GRM7: variants seen among roughly 807,000 people sequenced by gnomAD.
The protein encoded by GRM7 is glutamate metabotropic receptor 7, also known as metabotropic glutamate receptor 7.
Under a neutral mutation model 84.5 loss-of-function variants are expected in GRM7, and 35 were observed. The observed-to-expected ratio is 0.41, with a 90% confidence interval of 0.32 to 0.55. GRM7 has a LOEUF of 0.55. GRM7 is among the 20% of genes least tolerant of loss of function. The pLI is 0.19. For synonymous variants in GRM7, 487 were observed against 455.1 expected (o/e 1.07, Z -0.89); for missense variants, 1,003 against 1,194.6 (o/e 0.84, Z 2.36).
chr3:7,064,297 A>T (rs1232602248), intron 1 of GRM7, among the ~76,000 whole-genome samples: 4 of 150,340 alleles, frequency 2.7e-5, no homozygotes, highest in African/African-American at 7.3e-5. Flanking sequence ...TTGTGTATGC[A>T]TAGCTTAGCC....
At chr3:7,442,681 T>C (rs1697338703) in intron 5 of GRM7, among the ~76,000 whole-genome samples, 1 of 152,146 alleles carries the variant, frequency 6.6e-6, no homozygotes, top group South Asian at 2.1e-4. Context: ...CTAAAGTCCC[T>C]TGGGAGTTAG....
intron 2 of GRM7, among the ~76,000 whole-genome samples, chr3:7,220,254 A>AAG (rs1696756081): frequency 6.6e-6 from 1 of 152,216 alleles, no homozygotes; most frequent in African/African-American, 2.4e-5. Context: ...GTAACTTTAC[A>AAG]GTGGAGAAAC....
chr3:7,087,119 A>G (rs571017812), intron 1 of GRM7, among the ~76,000 whole-genome samples: 1 of 152,252 alleles, frequency 6.6e-6, no homozygotes, highest in East Asian at 1.9e-4. Flanking sequence ...TTCAAAAACA[A>G]CCTCCAAATG....
At chr3:6,880,759 C>T (rs1487769032) in intron 1 of GRM7, among the ~76,000 whole-genome samples, 7 of 152,054 alleles carry the variant, frequency 4.6e-5, no homozygotes, top group African/African-American at 1.2e-4. Flanking sequence ...CTTCTCGTCT[C>T]GTATTTGGAC....
At chr3:6,976,558 A>C (rs936043108) in intron 1 of GRM7, among the ~76,000 whole-genome samples, 1 of 151,958 alleles carries the variant, frequency 6.6e-6, no homozygotes, top group African/African-American at 2.4e-5. Context: ...CTTTTTATTT[A>C]TTTTTTGTTT....
At chr3:7,342,588 C>T (rs1050325817) in intron 4 of GRM7, among the ~76,000 whole-genome samples, 5 of 152,174 alleles carry the variant, frequency 3.3e-5, no homozygotes, top group Non-Finnish European at 5.9e-5. Flanking sequence ...CTAATCATTT[C>T]CAAACTTTAG....
chr3:7,172,860 A>G (rs1420360123), intron 2 of GRM7, among the ~76,000 whole-genome samples: 1 of 152,046 alleles, frequency 6.6e-6, no homozygotes, highest in Admixed American at 6.6e-5. Flanking sequence ...ACTATGCTCT[A>G]TGTCAGCCCC....
intron 2 of GRM7, among the ~76,000 whole-genome samples, chr3:7,179,277 G>A (rs896977333): frequency 1.3e-5 from 2 of 152,140 alleles, no homozygotes; most frequent in African/African-American, 4.8e-5. Flanking sequence ...TGGGGCATGA[G>A]CAAGTGGAAG....
intron 4 of GRM7, among the ~76,000 whole-genome samples, chr3:7,365,647 G>GTATATATATATATATATATATA (rs755999982): frequency 6.2e-5 from 8 of 130,058 alleles, no homozygotes; most frequent in South Asian, 4.8e-4. Context: ...GTGCGTGTGT[G>GTATATATATATATATATATATA]TATATATATA....
chr3:7,125,489 C>T (rs778327885), intron 1 of GRM7, among the ~76,000 whole-genome samples: 19 of 152,214 alleles, frequency 1.2e-4, no homozygotes, highest in Non-Finnish European at 2.2e-4. Flanking sequence ...TAAAAAAATC[C>T]CTTTGCATAA....
chr3:7,144,507 G>A (rs1574957673), intron 1 of GRM7, among the ~76,000 whole-genome samples: 1 of 152,280 alleles, frequency 6.6e-6, no homozygotes, highest in South Asian at 2.1e-4. Flanking sequence ...TCGTGATGAC[G>A]TGCAGCAGAG....
chr3:7,231,919 G>A (rs1056457890), intron 2 of GRM7, among the ~76,000 whole-genome samples: 1 of 152,162 alleles, frequency 6.6e-6, no homozygotes, highest in Non-Finnish European at 1.5e-5. Flanking sequence ...AGATACAAAA[G>A]AATCCCATTT....
intron 8 of GRM7, among the ~76,000 whole-genome samples, chr3:7,629,752 C>A (rs1384024882): frequency 2.0e-5 from 3 of 152,176 alleles, no homozygotes; most frequent in African/African-American, 7.2e-5. Context: ...AAGCACAATT[C>A]TGAAAATGTA....
intron 4 of GRM7, among the ~76,000 whole-genome samples, chr3:7,359,422 T>C (rs7646056): frequency 0.55 from 76,665 of 140,126 alleles, 23,890 homozygotes; most frequent in African/African-American, 0.73. Flanking sequence ...GCAACCTCCG[T>C]CTTCTGGGTT....
At chr3:7,199,339 T>G (rs1695987113) in intron 2 of GRM7, among the ~76,000 whole-genome samples, 1 of 152,172 alleles carries the variant, frequency 6.6e-6, no homozygotes, top group African/African-American at 2.4e-5. Flanking sequence ...GCCTTCCAGC[T>G]CAGTTGCTAG....
At chr3:7,462,825 T>C (rs1168806089) in intron 7 of GRM7, among the ~76,000 whole-genome samples, 1 of 152,154 alleles carries the variant, frequency 6.6e-6, no homozygotes, top group Non-Finnish European at 1.5e-5. Flanking sequence ...CAAAAGATTA[T>C]GCTCTGGCAT....
chr3:7,460,885 C>T (rs146016327), intron 6 of GRM7, among the ~76,000 whole-genome samples: 1 of 152,058 alleles, frequency 6.6e-6, no homozygotes, highest in Non-Finnish European at 1.5e-5. Context: ...TAAATATATT[C>T]GTTCTTTAAA....
intron 8 of GRM7, among the ~76,000 whole-genome samples, chr3:7,589,318 C>G (rs1398563691): frequency 6.6e-6 from 1 of 152,350 alleles, no homozygotes; most frequent in East Asian, 1.9e-4. Flanking sequence ...GATGTTTCTA[C>G]TGCCATAAAC....
At chr3:7,506,637 G>A (rs545196577) in intron 7 of GRM7, among the ~76,000 whole-genome samples, 16 of 152,256 alleles carry the variant, frequency 1.1e-4, no homozygotes, top group South Asian at 6.2e-4. Context: ...CTAAGAACAC[G>A]GTGCCTGTAC....
Sources: allele counts gnomAD v4.1 joint callset (sites outside exome capture counted in the v4.1 genomes callset), GRCh38; gene constraint gnomAD v4.1.1; transcripts MANE v1.5; gene names NCBI Gene and HGNC (gene_info 2026-07-23, HGNC 2026-07-21).